The following FAT2 variants were observed in gnomAD, a reference collection of about 807,000 sequenced individuals.
FAT2 encodes FAT atypical cadherin 2.
A neutral mutation model predicts 295.3 loss-of-function variants in FAT2; 150 were observed. The observed-to-expected ratio is 0.51, with a 90% CI of 0.44 to 0.58. The LOEUF (loss-of-function observed/expected upper bound fraction) is 0.58. FAT2 is among the 20% of genes least tolerant of loss of function. The probability of loss-of-function intolerance (pLI) is 0.00; values close to 1 mark genes in which losing one functional copy is unlikely to be tolerated. For synonymous variants in FAT2, 2,026 were observed against 2,150.3 expected (o/e 0.94, Z 1.60); for missense variants, 4,868 against 5,442.7 (o/e 0.89, Z 3.32).
At position 151,545,289 on chromosome 5, in the gene FAT2, G is replaced by T. The variant is rs1756512147; in HGVS notation, c.5838C>A (p.Gly1946=). 1 of 1,614,134 alleles carries T rather than the reference G, an allele frequency of 6.2e-7. No individual in the cohort carries two copies. Among genetic ancestry groups the T allele is most frequent in the Non-Finnish European group, 8.5e-7 (1 of 1,179,996 alleles). The change falls in exon 10 of 24, where the codon GGC becomes GGA. Residue 1946 remains glycine (G), a synonymous_variant. Transcript: ENST00000261800. ...SRKLTIRASD[G]LYQDTALVKI... ...TTACCAGCGCAGTGTCTTGATACAA[G>T]CCATCAGAAGCCCTGATGGTGAGCT...
chr5:151,534,970 A>AAAATATATATATAT (rs1554127245), intron 12 of FAT2, among the ~76,000 whole-genome samples: 1 of 106,418 alleles, frequency 9.4e-6, no homozygotes, highest in Non-Finnish European at 2.1e-5. Flanking sequence ...CTTCTAGGAA[A>AAAATATATATATAT]ATATATATAT....
At chr5:151,579,218 G>GTA (rs1758852872) in intron 1 of FAT2, among the ~76,000 whole-genome samples, 1 of 152,132 alleles carries the variant, frequency 6.6e-6, no homozygotes, top group African/African-American at 2.4e-5. Context: ...TAAAGGCATT[G>GTA]TATATTGTAC....
intron 4 of FAT2, among the ~76,000 whole-genome samples, chr5:151,555,201 C>G (rs1757575332): frequency 6.6e-6 from 1 of 151,986 alleles, no homozygotes; most frequent in South Asian, 2.1e-4. Context: ...ATCAATAGCC[C>G]CAAGGGCATC....
chr5:151,538,265 T>C (rs1755694141), intron 11 of FAT2, among the ~76,000 whole-genome samples: 1 of 152,190 alleles, frequency 6.6e-6, no homozygotes, highest in South Asian at 2.1e-4. Flanking sequence ...CAGGCAGGGC[T>C]AGAAGGGACT....
At chr5:151,551,643 A>G (rs376317779) in intron 6 of FAT2, 37 bp from the exon 7 acceptor site, 30 of 1,611,820 alleles carry the variant, frequency 1.9e-5, no homozygotes, top group Non-Finnish European at 2.5e-5. Context: ...ACACAACCTC[A>G]GTGATTTAGG....
chr5:151,532,156 G>A (rs1453478789), intron 13 of FAT2, among the ~76,000 whole-genome samples, 186 bp from the exon 14 acceptor site: 1 of 152,166 alleles, frequency 6.6e-6, no homozygotes, highest in Non-Finnish European at 1.5e-5. Context: ...GAGACCCAAG[G>A]CCTCACTAAA....
Position 151,531,602 on chromosome 5 carries a change from G to A in FAT2, c.9796C>T (p.Leu3266=), listed in dbSNP as rs1203792167. 5.6e-6 allele frequency: 9 copies of A among 1,612,576 alleles called. No individual in the cohort carries two copies. Among genetic ancestry groups the A allele is most frequent in the African/African-American group, 2.7e-5 (2 of 74,900 alleles). ...VSGNEQGRFR[L]DARTGILYVN... ...AGGCTCTCACCTGTGCGAGCATCCA[G>A]GCGGAACCTGCCTTGCTCGTTCCCG... Residue 3266 remains leucine (L), a synonymous_variant, in exon 14 of 24, where the codon CTG becomes TTG. Transcript: ENST00000261800. The surrounding 1 kb of genome is among the most constrained non-coding windows in gnomAD (Gnocchi z 5.7).
intron 13 of FAT2, among the ~76,000 whole-genome samples, chr5:151,533,835 C>T (rs771292570): frequency 1.3e-5 from 2 of 151,760 alleles, no homozygotes; most frequent in South Asian, 2.1e-4. Flanking sequence ...GAATAGAACA[C>T]TTTGTGGTAG....
rs1753921251 is a variant in FAT2, at chr5:151,525,811, C to T, written c.10463G>A (p.Gly3488Asp). Reference protein sequence around the residue: ...TPDGWLVTAEGLSRRAQEWYQ... With the variant: ...TPDGWLVTAEDLSRRAQEWYQ... ...CCATTCCTGAGCCCTCCTGCTTAGG[C>T]CCTCAGCAGTCACCAGCCATCCATC... Residue 3488 changes from glycine to aspartate, a missense_variant, in exon 18 of 24, where the codon GGC becomes GAC. Gly to Asp is a moderately conservative substitution (Grantham distance 94, BLOSUM62 -1). This residue lies in a region of FAT2 where 1,046 missense variants were observed against 1,210.1 expected (regional missense o/e 0.86). Coordinates refer to ENST00000261800, the MANE Select transcript of FAT2 (RefSeq NM_001447.3). 1.2e-6 allele frequency: 2 copies of T among 1,614,168 alleles called. No individual in the cohort carries two copies. The highest frequency in any genetic ancestry group is 1.7e-6 in the Non-Finnish European group (2 of 1,180,028).
rs1043111872 is a variant in FAT2 at position 151,542,544 on chromosome 5, C to G, written c.8583G>C (p.Gln2861His). The G allele has an allele frequency of 3.7e-6, 6 of 1,614,092 alleles. No individual in the cohort carries two copies. The African/African-American group carries it at 6.7e-5, about 18-fold the overall frequency. The stretch of plus-strand genomic sequence containing the variant: ...TCTGGCAGGTCTCACAGTCAAGTTC[C>G]TGGAGTGTGGTGATCCAACCACTCT... ...DSESGWITTLQELDCETCQTY... is the reference protein window; with the variant it reads ...DSESGWITTLHELDCETCQTY... Residue 2861 changes from glutamine to histidine, a missense_variant, in exon 10 of 24, where the codon CAG (glutamine) becomes CAC (histidine). This residue lies in a region of FAT2 where 3,297 missense variants were observed against 3,669.4 expected (regional missense o/e 0.90). Transcript: ENST00000261800.
intron 12 of FAT2, 98 bp downstream of exon 12, chr5:151,537,695 G>T: frequency 8.1e-7 from 1 of 1,228,814 alleles, no homozygotes; most frequent in Non-Finnish European, 1.1e-6. Flanking sequence ...ATAGATGAGT[G>T]AATTCCTGTT....
chr5:151,561,126 A>G (rs1337926836), intron 3 of FAT2, among the ~76,000 whole-genome samples: 1 of 152,238 alleles, frequency 6.6e-6, no homozygotes, highest in Non-Finnish European at 1.5e-5. Flanking sequence ...GTGTTAGGGT[A>G]TCAGGAAAAA....
rs1420091268 is a variant in FAT2 at position 151,565,818 on chromosome 5, C to G, written c.3114G>C (p.Gln1038His). The G allele has an allele frequency of 6.2e-7, 1 of 1,614,050 alleles. No individual in the cohort carries two copies. Among genetic ancestry groups the G allele is most frequent in the African/African-American group, 1.3e-5 (1 of 74,928 alleles). ...AGGGGCTGTTCTCCTGCACCTGGCCCTGGTGCACGAAGGAGGCAAAGTGGG... is the reference window on the plus strand; with the variant it reads ...AGGGGCTGTTCTCCTGCACCTGGCCGTGGTGCACGAAGGAGGCAAAGTGGG... ...HPPHFASFVHQGQVQENSPSG... is the reference protein window; with the variant it reads ...HPPHFASFVHHGQVQENSPSG... Residue 1038 changes from glutamine (Q) to histidine (H), a missense_variant, in exon 2 of 24, where the codon CAG becomes CAC. Physicochemically the swap from Gln to His is conservative, Grantham distance 24. Around this residue, in one of 5 missense-constraint regions of FAT2, gnomAD observed 3,297 missense variants for 3,669.4 expected, o/e 0.90. Transcript: ENST00000261800.
Position 151,506,066 on chromosome 5 carries a change from A to G in FAT2, c.12549T>C (p.Pro4183=). ...CCCAGCGTTCGTTCCTGGAGTAAGT[A>G]GGGGGCCAGACCATGGCTCCGCCAG... ...VYPGGAMVWP[P]TYSRNERWEY... The change falls in exon 24 of 24, where the codon CCT becomes CCC. Residue 4183 remains proline, a synonymous_variant. Coordinates refer to ENST00000261800, the MANE Select transcript of FAT2 (RefSeq NM_001447.3). 2 of 1,542,636 alleles carry G rather than the reference A, an allele frequency of 1.3e-6. No homozygotes were observed. Among genetic ancestry groups the G allele is most frequent in the East Asian group, 4.5e-5 (2 of 44,348 alleles).
intron 19 of FAT2, among the ~76,000 whole-genome samples, chr5:151,518,419 A>G (rs1459843638): frequency 6.6e-6 from 1 of 151,582 alleles, no homozygotes; most frequent in Non-Finnish European, 1.5e-5. Context: ...GTAATGAATC[A>G]AGTGTGTGAA....
intron 1 of FAT2, among the ~76,000 whole-genome samples, chr5:151,580,434 C>T (rs887544603): frequency 2.0e-5 from 3 of 152,292 alleles, no homozygotes; most frequent in African/African-American, 4.8e-5. Flanking sequence ...TTTGGCACAG[C>T]GCCAGTCAGG....
chr5:151,566,547 C>T lies in FAT2; in HGVS notation c.2385G>A (p.Leu795=). ...TCCAGGAGGACTTCTGGGGTGTGCC[C>T]AGGTCATATACTGTTACATTGAGGA... ...FYILNVTVYD[L]GTPQKSSWKL... The change falls in exon 2 of 24, where the codon CTG becomes CTA. Residue 795 remains leucine (L), a synonymous_variant. Coordinates refer to ENST00000261800, the MANE Select transcript of FAT2 (RefSeq NM_001447.3). 1 of 1,614,020 alleles carries T rather than the reference C, an allele frequency of 6.2e-7. No individual in the cohort carries two copies. Among genetic ancestry groups the T allele is most frequent in the Non-Finnish European group, 8.5e-7 (1 of 1,179,980 alleles).
upstream of FAT2, among the ~76,000 whole-genome samples, chr5:151,592,441 A>G (rs1159856252): frequency 2.6e-5 from 4 of 151,796 alleles, no homozygotes; most frequent in Non-Finnish European, 4.4e-5. Flanking sequence ...CCCTCCCCCC[A>G]GGTCTTGAAG....
intron 1 of FAT2, among the ~76,000 whole-genome samples, chr5:151,585,141 C>A (rs527330525): frequency 7.3e-4 from 111 of 152,284 alleles, no homozygotes; most frequent in Non-Finnish European, 1.4e-3. Context: ...TAGTAAATAG[C>A]CCCTAAAGAA....
Sources: gnomAD v4.1 joint callset for allele counts (sites outside exome capture counted in the v4.1 genomes callset) on GRCh38, gnomAD v4.1.1 for gene constraint, gnomAD v4.1.1 regional missense constraint, Gnocchi (gnomAD v3.1) non-coding constraint, MANE v1.5 for transcripts, NCBI Gene and HGNC (gene_info 2026-07-23, HGNC 2026-07-21) for gene names.